Variants in GYPC observed in about 807,000 individuals in gnomAD.
GYPC encodes the protein glycophorin C (Gerbich blood group).
A neutral mutation model predicts 12.6 loss-of-function variants in GYPC; 14 were observed. That is an observed-to-expected ratio of 1.11 (90% CI 0.74 to 1.74). GYPC has a LOEUF of 1.74. GYPC is among the 40% of genes most tolerant of loss of function. GYPC has a pLI of 0.00. For missense variants in GYPC, 225 were observed against 172.1 expected, an observed-to-expected ratio of 1.31 and a Z score of -1.72; for synonymous variants, 78 against 62.1, an observed-to-expected ratio of 1.26 and a Z score of -1.20.
intron 1 of GYPC, among the ~76,000 whole-genome samples, chr2:126,673,672 C>T (rs373010865): frequency 2.6e-5 from 4 of 152,182 alleles, no homozygotes; most frequent in Admixed American, 6.5e-5. Context: ...GCAGGCAGAC[C>T]GTGCCAACTC....
chr2:126,686,000 ACAGAT>A, intron 1 of GYPC: 1 of 985,258 alleles, frequency 1.0e-6, no homozygotes, highest in Non-Finnish European at 1.2e-6. Flanking sequence ...CTTTGCTGGG[ACAGAT>A]GGACAGGAGG....
intron 1 of GYPC, among the ~76,000 whole-genome samples, chr2:126,670,019 G>A (rs961721323): frequency 6.6e-6 from 1 of 152,174 alleles, no homozygotes; most frequent in African/African-American, 2.4e-5. Context: ...AAGGATGAAA[G>A]GCTGGCCTCT....
At chr2:126,685,898 C>T in intron 1 of GYPC, 1 of 985,374 alleles carries the variant, frequency 1.0e-6, no homozygotes, top group Non-Finnish European at 1.2e-6. Flanking sequence ...TCATCTTCCT[C>T]CTCCCAGAAC....
At chr2:126,677,159 T>C (rs1205354300) in intron 1 of GYPC, among the ~76,000 whole-genome samples, 2 of 152,076 alleles carry the variant, frequency 1.3e-5, no homozygotes, top group Non-Finnish European at 2.9e-5. Context: ...TGTCTGTGCA[T>C]ATGTGGAAAA....
At chr2:126,695,392 G>A (rs1334424284) in intron 3 of GYPC, among the ~76,000 whole-genome samples, 1 of 152,178 alleles carries the variant, frequency 6.6e-6, no homozygotes. Context: ...GAAGAGGAAA[G>A]GAGAATCATT....
intron 1 of GYPC, among the ~76,000 whole-genome samples, chr2:126,680,984 CA>C (rs752526518): frequency 6.6e-6 from 1 of 152,180 alleles, no homozygotes; most frequent in African/African-American, 2.4e-5. Flanking sequence ...GGGACCTTAA[CA>C]GACCTTCTAG....
At chr2:126,661,023 T>C (rs1329481677) in intron 1 of GYPC, among the ~76,000 whole-genome samples, 1 of 152,186 alleles carries the variant, frequency 6.6e-6, no homozygotes, top group South Asian at 2.1e-4. Flanking sequence ...GACTATACAT[T>C]TTCATTTTTC....
At chr2:126,690,109 C>T (rs781579162) in intron 1 of GYPC, 146 bp from the exon 2 acceptor site, 27 of 720,480 alleles carry the variant, frequency 3.7e-5, no homozygotes, top group Non-Finnish European at 6.1e-5. Context: ...TGCTAGGAGT[C>T]GGTGGGTGCA....
intron 2 of GYPC, among the ~76,000 whole-genome samples, chr2:126,691,542 G>A (rs796336784): frequency 8.5e-5 from 13 of 152,070 alleles, no homozygotes; most frequent in Admixed American, 3.3e-4. Flanking sequence ...AGCAGTCATC[G>A]GGCCATTGAA....
chr2:126,668,391 G>A (rs1382634688), intron 1 of GYPC, among the ~76,000 whole-genome samples: 1 of 152,124 alleles, frequency 6.6e-6, no homozygotes, highest in Non-Finnish European at 1.5e-5. Context: ...TCCAGAGCCA[G>A]AGCAGTTAAC....
chr2:126,695,995 G>T lies in GYPC; in HGVS notation c.240G>T (p.Met80Ile). The T allele has an allele frequency of 1.2e-6, 2 of 1,614,140 alleles. No homozygotes were observed. Among genetic ancestry groups the T allele is most frequent in the South Asian group, 2.2e-5 (2 of 91,088 alleles). Reference sequence around the variant, plus strand: ...TCCTAGTCTCCCTCCTCTTCGTCATGCTGCGCTACATGTACCGGCACAAGG... The same window carrying T: ...TCCTAGTCTCCCTCCTCTTCGTCATTCTGCGCTACATGTACCGGCACAAGG... ...AIVLVSLLFVMLRYMYRHKGT... is the reference protein window; with the variant it reads ...AIVLVSLLFVILRYMYRHKGT... The change falls in exon 4 of 4, where the codon ATG becomes ATT. Residue 80 changes from methionine to isoleucine, a missense_variant. Met to Ile is a conservative substitution (Grantham distance 10). Transcript: ENST00000259254.
intron 1 of GYPC, among the ~76,000 whole-genome samples, chr2:126,676,777 A>G (rs903045395): frequency 4.6e-5 from 7 of 152,200 alleles, no homozygotes; most frequent in Non-Finnish European, 8.8e-5. Flanking sequence ...GGGCAGGGAC[A>G]GTGAAGAGAG....
intron 1 of GYPC, among the ~76,000 whole-genome samples, chr2:126,677,123 T>C (rs1410461218): frequency 6.6e-6 from 1 of 152,092 alleles, no homozygotes; most frequent in Non-Finnish European, 1.5e-5. Flanking sequence ...TGTGTGTCAG[T>C]GTGTGTGCAT....
intron 3 of GYPC, among the ~76,000 whole-genome samples, chr2:126,694,375 C>A (rs1220342198): frequency 6.6e-6 from 1 of 152,126 alleles, no homozygotes; most frequent in Non-Finnish European, 1.5e-5. Flanking sequence ...CTTTGCCTTG[C>A]TTTGAACCCT....
chr2:126,663,168 G>A (rs1260148855), intron 1 of GYPC, among the ~76,000 whole-genome samples: 2 of 152,196 alleles, frequency 1.3e-5, no homozygotes, highest in African/African-American at 4.8e-5. Context: ...CTCCCGAGTT[G>A]CTGGGATTAC....
At chr2:126,693,088 T>G (rs546048338) in intron 2 of GYPC, among the ~76,000 whole-genome samples, 7 of 152,288 alleles carry the variant, frequency 4.6e-5, no homozygotes, top group African/African-American at 1.7e-4. Context: ...TGAAATCTGA[T>G]TCCCAAGGTG....
intron 1 of GYPC, among the ~76,000 whole-genome samples, chr2:126,659,085 C>T (rs1291880466): frequency 6.6e-6 from 1 of 152,090 alleles, no homozygotes; most frequent in Non-Finnish European, 1.5e-5. Flanking sequence ...CACAAATAGC[C>T]TATGAAAGTC....
Position 126,696,421 on chromosome 2 carries a change from C to G in GYPC, c.*279C>G, listed in dbSNP as rs539854753. On this transcript the variant is annotated 3_prime_UTR_variant, in exon 4 of 4. Transcript: ENST00000259254. ...GGAGAAAATCTGGGCACATGGGGCCCCCTGGGCAGTGCAGGACAACATCAG... is the reference window on the plus strand; with the variant it reads ...GGAGAAAATCTGGGCACATGGGGCCGCCTGGGCAGTGCAGGACAACATCAG... 2.2e-6 allele frequency: 1 copy of G among 455,738 alleles called. No homozygotes were observed. Among genetic ancestry groups the G allele is most frequent in the Non-Finnish European group, 4.1e-6 (1 of 245,956 alleles). 28.2% of individuals were successfully genotyped at this position (455,738 alleles called of 1,614,324 possible).
At chr2:126,671,594 G>A (rs1485476156) in intron 1 of GYPC, among the ~76,000 whole-genome samples, 4 of 152,244 alleles carry the variant, frequency 2.6e-5, no homozygotes, top group Non-Finnish European at 5.9e-5. Context: ...GGTAGCTCCA[G>A]AGCTCAACCG....
Sources: gnomAD v4.1 joint callset for allele counts (sites outside exome capture counted in the v4.1 genomes callset) on GRCh38, gnomAD v4.1.1 for gene constraint, MANE v1.5 for transcripts, NCBI Gene and HGNC (gene_info 2026-07-23, HGNC 2026-07-21) for gene names.